Variants in PPP6R2 observed in about 807,000 individuals in gnomAD.
The protein encoded by PPP6R2 is serine/threonine-protein phosphatase 6 regulatory subunit 2.
Under a neutral mutation model 100.2 loss-of-function variants are expected in PPP6R2, and 62 were observed. The ratio of observed to expected loss-of-function variants is 0.62; its 90% CI spans 0.50 to 0.76. The LOEUF (loss-of-function observed/expected upper bound fraction) is 0.76, where lower values mean the gene tolerates loss of function less well. Ranked by LOEUF, PPP6R2 falls within the 30% of genes least tolerant of loss-of-function variation. PPP6R2 has a pLI of 0.00. For synonymous variants in PPP6R2, 525 were observed against 514.7 expected, an observed-to-expected ratio of 1.02 and a Z score of -0.27; for missense variants, 1,142 against 1,276.3, an observed-to-expected ratio of 0.89 and a Z score of 1.60.
chr22:50,431,270 C>T lies in PPP6R2; in HGVS notation c.1223C>T (p.Thr408Ile). 1 of 1,613,642 alleles carries T rather than the reference C, an allele frequency of 6.2e-7. No individual in the cohort carries two copies. The highest frequency in any genetic ancestry group is 8.5e-7 in the Non-Finnish European group (1 of 1,180,026). The change falls in exon 11 of 24, where the codon ACA becomes ATA. Residue 408 changes from threonine (T) to isoleucine (I), a missense_variant. Thr to Ile is a moderately conservative substitution (Grantham distance 89, BLOSUM62 -1). Transcript: ENST00000612753. The surrounding 1 kb of genome is among the most constrained non-coding windows in gnomAD (Gnocchi z 4.8). ...TCCCACGCTGCCCGTGAGGAGAGGA[C>T]AGAAGCCAGCGGATCCGAGAGCAGG... ...ILSHAAREER[T>I]EASGSESRVE...
the PPP6R2 span, among the ~76,000 whole-genome samples, chr22:50,337,587 G>A: frequency 6.9e-3 from 853 of 123,292 alleles, 8 homozygotes; most frequent in Non-Finnish European, 9.8e-3. Flanking sequence ...GTGTGTGTGC[G>A]ATGTGTGGTG....
rs1029042980 is a variant in PPP6R2 at position 50,394,210 on chromosome 22, G to A, written c.227+75G>A. On this transcript the variant is annotated intron_variant, in intron 3 of 23. Transcript: ENST00000612753. Reference sequence around the variant, plus strand: ...AGGCCGCAGGCAGTGTCTGAGGATGGCCATAGTTGGGGATTTCTGATGAAG... The same window carrying A: ...AGGCCGCAGGCAGTGTCTGAGGATGACCATAGTTGGGGATTTCTGATGAAG... 3.2e-6 allele frequency: 5 copies of A among 1,569,216 alleles called. No individual in the cohort carries two copies. In the East Asian group the frequency reaches 6.8e-5, roughly 21 times the overall value.
At chr22:50,360,232 T>C (rs2047506293) in intron 1 of PPP6R2, among the ~76,000 whole-genome samples, 1 of 152,054 alleles carries the variant, frequency 6.6e-6, no homozygotes, top group African/African-American at 2.4e-5. Flanking sequence ...TTTGTATTTT[T>C]AGTAGAGATG....
intron 2 of PPP6R2, among the ~76,000 whole-genome samples, chr22:50,391,482 T>C (rs2055537128): frequency 6.7e-6 from 1 of 150,122 alleles, no homozygotes; most frequent in African/African-American, 2.5e-5. Flanking sequence ...GTCATGGTAT[T>C]TCTTGGTTGT....
chr22:50,393,602 G>A, intron 2 of PPP6R2: 2 of 962,788 alleles, frequency 2.1e-6, no homozygotes, highest in Non-Finnish European at 2.5e-6. Flanking sequence ...GGCAGGTCCT[G>A]GAGCTGGGGG....
chr22:50,427,005 A>G (rs5770982), intron 10 of PPP6R2, among the ~76,000 whole-genome samples: 56,506 of 151,222 alleles, frequency 0.37, 10,942 homozygotes, highest in East Asian at 0.66. Flanking sequence ...TGGCCAACAT[A>G]GTGAAACCCC....
At chr22:50,420,287 G>A (rs951910454) in intron 8 of PPP6R2, among the ~76,000 whole-genome samples, 5 of 152,298 alleles carry the variant, frequency 3.3e-5, no homozygotes, top group African/African-American at 1.2e-4. Flanking sequence ...GCAGTGAGGG[G>A]GTCCCAGTGT....
intron 10 of PPP6R2, among the ~76,000 whole-genome samples, chr22:50,426,531 A>G (rs1430268669): frequency 6.6e-6 from 1 of 152,136 alleles, no homozygotes; most frequent in African/African-American, 2.4e-5. Flanking sequence ...TTTTCCCAGC[A>G]CTTGTTGAAA....
the PPP6R2 span, among the ~76,000 whole-genome samples, chr22:50,335,396 C>T: frequency 6.6e-6 from 1 of 151,268 alleles, no homozygotes; most frequent in Non-Finnish European, 1.5e-5. Context: ...GACGGGGTTT[C>T]ACCATATTGG....
chr22:50,360,386 C>T (rs1225113061), intron 1 of PPP6R2, among the ~76,000 whole-genome samples: 1 of 148,790 alleles, frequency 6.7e-6, no homozygotes, highest in Non-Finnish European at 1.5e-5. Context: ...ACAGGGTCTC[C>T]TCTGCTGCCC....
In PPP6R2 at chr22:50,416,184, T is replaced by C. The variant is rs202159048; in HGVS notation, c.618+27T>C. 1,459 of 1,602,936 alleles carry C rather than the reference T, an allele frequency of 9.1e-4. 4 individuals are homozygous for C. The highest frequency in any genetic ancestry group is 6.2e-4 in the Non-Finnish European group (720 of 1,170,346). Reference sequence around the variant, plus strand: ...TGAGTGTGCTGCTTACCGAGCTTCGTGCATCAGTCCAGGCCTGTGCTGCCA... The same window carrying C: ...TGAGTGTGCTGCTTACCGAGCTTCGCGCATCAGTCCAGGCCTGTGCTGCCA... On this transcript the variant is annotated intron_variant, in intron 6 of 23. Transcript: ENST00000612753.
rs370627002 is a variant in PPP6R2 at position 50,359,323 on chromosome 22, A to G, written c.-147-12697A>G. On this transcript the variant is annotated intron_variant, in intron 1 of 23. Transcript: ENST00000612753. Reference sequence around the variant, plus strand: ...AAGCTCTGCCTCCCGGCTTCATGCCATTCTCCTGCCTCAGCCTCCCGAGCA... The same window carrying G: ...AAGCTCTGCCTCCCGGCTTCATGCCGTTCTCCTGCCTCAGCCTCCCGAGCA... Among the ~76,000 whole-genome samples the G allele has an allele frequency of 3.4e-4, 50 of 146,492 alleles. No homozygotes were observed. The East Asian group carries it at 8.5e-3, about 25-fold the overall frequency.
In PPP6R2 at chr22:50,393,530, G is replaced by A. The variant is rs543282423; in HGVS notation, c.-16-363G>A. 22 of 985,160 alleles carry A rather than the reference G, an allele frequency of 2.2e-5. No individual in the cohort carries two copies. In the South Asian group the frequency reaches 7.1e-4, roughly 32 times the overall value. The allele number at this position is 985,160 out of a possible 1,614,324, so 61.0% of individuals were successfully genotyped here. ...AGGGGCATGTCGAGCACGCTGGTGG[G>A]TGGGGGACAGTGTGGGGAAGGAGGG... is the stretch of plus-strand genomic sequence containing the variant. On this transcript the variant is annotated intron_variant, in intron 2 of 23. Coordinates refer to ENST00000612753, the MANE Select transcript of PPP6R2 (RefSeq NM_001242898.2).
At chr22:50,414,246 G>A (rs1212793658) in intron 4 of PPP6R2, among the ~76,000 whole-genome samples, 4 of 150,562 alleles carry the variant, frequency 2.7e-5, no homozygotes, top group African/African-American at 9.8e-5. Context: ...GGTATTGGAT[G>A]GCAGCTGCTC....
intron 1 of PPP6R2, among the ~76,000 whole-genome samples, chr22:50,367,546 A>G (rs941332603): frequency 9.9e-5 from 15 of 152,120 alleles, no homozygotes; most frequent in African/African-American, 2.4e-4. Context: ...CGTCTCTCCT[A>G]TGCTGTCACA....
Position 50,351,884 on chromosome 22 carries a change from C to A in PPP6R2, c.-148+8334C>A, listed in dbSNP as rs558855163. On this transcript the variant is annotated intron_variant, in intron 1 of 23. Transcript: ENST00000612753. ...TCTCGGCTCACTGCAAGCTCTGCCT[C>A]CCAGGTTCATGCCATTCTCCTGCCT... is the stretch of plus-strand genomic sequence containing the variant. Among the ~76,000 whole-genome samples, 23 of 152,252 alleles carry A rather than the reference C, an allele frequency of 1.5e-4. 1 individual carries two copies. The highest frequency in any genetic ancestry group is 6.6e-5 in the Admixed American group (1 of 15,262).
chr22:50,330,814 AG>A, the PPP6R2 span, among the ~76,000 whole-genome samples: 2 of 152,084 alleles, frequency 1.3e-5, no homozygotes, highest in Non-Finnish European at 2.9e-5. Context: ...TCTGAGAAAA[AG>A]AACCTGGAAG....
chr22:50,402,678 A>G (rs1383233357), intron 3 of PPP6R2, among the ~76,000 whole-genome samples: 1 of 151,994 alleles, frequency 6.6e-6, no homozygotes, highest in Admixed American at 6.6e-5. Context: ...TCTTTGTGTT[A>G]TTTGAGATGG....
At chr22:50,409,901 A>AT (rs1453645080) in intron 4 of PPP6R2, among the ~76,000 whole-genome samples, 2 of 149,082 alleles carry the variant, frequency 1.3e-5, no homozygotes, top group African/African-American at 5.0e-5. Context: ...TAATTTTTAT[A>AT]TTTTTTAGTG....
Sources: allele counts gnomAD v4.1 joint callset (sites outside exome capture counted in the v4.1 genomes callset), GRCh38; gene constraint gnomAD v4.1.1; non-coding constraint Gnocchi (gnomAD v3.1); transcripts MANE v1.5; gene names NCBI Gene and HGNC (gene_info 2026-07-23, HGNC 2026-07-21).